PMS1: variants seen among roughly 807,000 people sequenced by gnomAD.
The protein encoded by PMS1 is PMS1 protein homolog 1.
A neutral mutation model predicts 93.1 loss-of-function variants in PMS1; 79 were observed. The ratio of observed to expected loss-of-function variants is 0.85; its 90% CI spans 0.71 to 1.02. The LOEUF (loss-of-function observed/expected upper bound fraction) is 1.02, where lower values mean the gene tolerates loss of function less well. PMS1 is among the 50% of genes least tolerant of loss of function. The pLI, the probability that PMS1 is intolerant of heterozygous loss-of-function variation, is 0.00. For synonymous variants in PMS1, 335 were observed against 363.4 expected (o/e 0.92, Z 0.89); for missense variants, 1,064 against 1,085.3 (o/e 0.98, Z 0.28).
At chr2:189,804,567 G>A (rs2050171817) in intron 3 of PMS1, among the ~76,000 whole-genome samples, 1 of 152,116 alleles carries the variant, frequency 6.6e-6, no homozygotes, top group Non-Finnish European at 1.5e-5. Context: ...AGCTGGAGAA[G>A]CCGTTTCTTT....
intron 12 of PMS1, among the ~76,000 whole-genome samples, chr2:189,876,694 G>C (rs2057595356): frequency 6.6e-6 from 1 of 151,684 alleles, no homozygotes; most frequent in Non-Finnish European, 1.5e-5. Context: ...CTGCAGTCTT[G>C]ACCTTCAGGC....
chr2:189,840,076 A>G (rs187591637), intron 5 of PMS1, among the ~76,000 whole-genome samples: 2 of 152,314 alleles, frequency 1.3e-5, no homozygotes, highest in Admixed American at 1.3e-4. Flanking sequence ...TTAAAATTGT[A>G]TACAATTTAT....
In PMS1 at chr2:189,877,577, A is replaced by C; in HGVS notation, c.*141A>C. On this transcript the variant is annotated 3_prime_UTR_variant, in exon 13 of 13. Transcript: ENST00000441310. Reference sequence around the variant, plus strand: ...GATTCACTGACTTGTTTTTATATTGAAAAAAGTTCCACGTATTGTAGAAAA... The same window carrying C: ...GATTCACTGACTTGTTTTTATATTGCAAAAAGTTCCACGTATTGTAGAAAA... 1 of 631,812 alleles carries C rather than the reference A, an allele frequency of 1.6e-6. No homozygotes were observed. The allele number at this position is 631,812 out of a possible 1,614,324, so 39.1% of individuals were successfully genotyped here.
intron 5 of PMS1, among the ~76,000 whole-genome samples, chr2:189,842,043 C>T (rs2053858698): frequency 6.6e-6 from 1 of 150,810 alleles, no homozygotes; most frequent in Non-Finnish European, 1.5e-5. Context: ...CTTGCATTTC[C>T]CAGCCAGACT....
chr2:189,795,223 T>C (rs1177754147), intron 2 of PMS1, among the ~76,000 whole-genome samples: 1 of 152,196 alleles, frequency 6.6e-6, no homozygotes, highest in East Asian at 1.9e-4. Context: ...GTAGTAAACA[T>C]AGATTTTTAT....
intron 4 of PMS1, among the ~76,000 whole-genome samples, chr2:189,810,272 G>C (rs1468361569): frequency 1.3e-5 from 2 of 152,154 alleles, no homozygotes; most frequent in African/African-American, 2.4e-5. Flanking sequence ...TGCTATCTGC[G>C]TAGCAATGAG....
At chr2:189,808,705 GT>G (rs915517683) in intron 4 of PMS1, among the ~76,000 whole-genome samples, 1 of 152,096 alleles carries the variant, frequency 6.6e-6, no homozygotes, top group Non-Finnish European at 1.5e-5. Context: ...GTGTATATTT[GT>G]TTTATGGATT....
rs772532489 is a variant in PMS1, at chr2:189,855,013, TTTG to T, written c.1744_1746del (p.Val582del). 1.9e-6 allele frequency: 3 copies of T among 1,613,394 alleles called. No individual in the cohort carries two copies. The African/African-American group carries it at 4.0e-5, about 22-fold the overall frequency. On this transcript the variant is annotated inframe_deletion, in exon 9 of 13. Transcript: ENST00000441310. ...GAAACCCATGTCAGCAAGTGCTCTT[TTTG>T]TTCAAGATCATCGTCCTCAGTTTCT... is the stretch of plus-strand genomic sequence containing the variant.
chr2:189,810,534 A>T (rs889544241), intron 4 of PMS1, among the ~76,000 whole-genome samples: 1 of 152,242 alleles, frequency 6.6e-6, no homozygotes, highest in Admixed American at 6.5e-5. Context: ...TTGTGGGCAG[A>T]CATGACAGAT....
At position 189,854,444 on chromosome 2, in the gene PMS1, A is replaced by G. The variant is rs750642262; in HGVS notation, c.1172A>G (p.Gln391Arg). ...GTTGATACTTCAGTCATTCCATTCC[A>G]AAATGATATGCATAATGATGAATCT... Reference protein sequence around the residue: ...SNVDTSVIPFQNDMHNDESGK... With the variant: ...SNVDTSVIPFRNDMHNDESGK... Residue 391 changes from glutamine (Q) to arginine (R), a missense_variant, in exon 9 of 13, where the codon CAA becomes CGA. Transcript: ENST00000441310. 1 of 1,610,654 alleles carries G rather than the reference A, an allele frequency of 6.2e-7. No homozygotes were observed. The highest frequency in any genetic ancestry group is 2.2e-5 in the East Asian group (1 of 44,792).
chr2:189,806,485 C>T, intron 4 of PMS1: 1 of 273,536 alleles, frequency 3.7e-6, no homozygotes, highest in Non-Finnish European at 7.4e-6. Context: ...GCAACCTCTG[C>T]CTCCCAGGCT....
At chr2:189,871,252 T>C (rs767457867) in intron 11 of PMS1, among the ~76,000 whole-genome samples, 6 of 152,146 alleles carry the variant, frequency 3.9e-5, no homozygotes, top group Non-Finnish European at 5.9e-5. Context: ...CTGGGACACA[T>C]TGGAAGAGTT....
intron 5 of PMS1, among the ~76,000 whole-genome samples, chr2:189,840,560 A>G (rs999622806): frequency 3.3e-5 from 5 of 152,222 alleles, no homozygotes; most frequent in Non-Finnish European, 5.9e-5. Flanking sequence ...GAAAGCAATA[A>G]TAGTGAAAAG....
intron 4 of PMS1, among the ~76,000 whole-genome samples, chr2:189,809,873 T>G (rs5743028): frequency 0.026 from 3,988 of 152,326 alleles, 174 homozygotes; most frequent in African/African-American, 0.09. Context: ...GAGGATATTT[T>G]GAGGTGCTGA....
chr2:189,806,023 C>A, intron 4 of PMS1: 1 of 1,061,782 alleles, frequency 9.4e-7, no homozygotes, highest in Non-Finnish European at 1.3e-6. Context: ...ATTTATTTTA[C>A]CAGTGCTGGA....
intron 3 of PMS1, among the ~76,000 whole-genome samples, chr2:189,799,812 T>C (rs1241689406): frequency 1.3e-5 from 2 of 151,782 alleles, no homozygotes; most frequent in Non-Finnish European, 2.9e-5. Flanking sequence ...CTGCATCCAA[T>C]GAATCCAGTG....
intron 4 of PMS1, among the ~76,000 whole-genome samples, chr2:189,816,995 T>A (rs188454473): frequency 4.6e-5 from 7 of 152,388 alleles, no homozygotes; most frequent in Non-Finnish European, 1.0e-4. Flanking sequence ...TGGTAGTTTT[T>A]AAATACTAAA....
In PMS1 at chr2:189,860,800, A is replaced by ATTT. The variant is rs1158514130; in HGVS notation, c.1857-2906_1857-2904dup. ...CTAAAATCTTCTATATCTTTGAGGA[A>ATTT]TTTTTTTTTTTTTTTTTTTTTTTTT... On this transcript the variant is annotated intron_variant, in intron 9 of 12. Coordinates refer to ENST00000441310, the MANE Select transcript of PMS1 (RefSeq NM_000534.5). Among the ~76,000 whole-genome samples the ATTT allele has an allele frequency of 5.8e-4, 24 of 41,026 alleles. 4 individuals are homozygous for ATTT. Among genetic ancestry groups the ATTT allele is most frequent in the Admixed American group, 1.3e-3 (3 of 2,286 alleles). 26.9% of individuals were successfully genotyped at this position (41,026 alleles called of 152,430 possible).
intron 1 of PMS1, among the ~76,000 whole-genome samples, chr2:189,785,084 T>G (rs1006643142): frequency 2.0e-5 from 3 of 152,226 alleles, no homozygotes; most frequent in Non-Finnish European, 4.4e-5. Context: ...AAGTCTTGAT[T>G]AGGTTTTTTT....
Sources: gnomAD v4.1 joint callset for allele counts (sites outside exome capture counted in the v4.1 genomes callset) on GRCh38, gnomAD v4.1.1 for gene constraint, MANE v1.5 for transcripts, NCBI Gene and HGNC (gene_info 2026-07-23, HGNC 2026-07-21) for gene names.